CCDC57: variants seen among roughly 807,000 people sequenced by gnomAD.
The protein encoded by CCDC57 is coiled-coil domain containing 57, also known as coiled-coil domain-containing protein 57.
CCDC57 carries 118 observed loss-of-function variants against 118.9 expected under a neutral mutation model. That is an observed-to-expected ratio of 0.99 (90% confidence interval 0.86 to 1.16). CCDC57 has a LOEUF of 1.16. CCDC57 is among the 50% of genes most tolerant of loss of function. The pLI, the probability that CCDC57 is intolerant of heterozygous loss-of-function variation, is 0.00. For missense variants in CCDC57, 1,300 were observed against 1,320.7 expected (o/e 0.98, Z 0.24); for synonymous variants, 527 against 532.9 (o/e 0.99, Z 0.15).
rs2044302346 is a variant in CCDC57, at chr17:82,168,707, T to C, written c.1882+2994A>G. On this transcript the variant is annotated intron_variant, in intron 13 of 19. Coordinates refer to ENST00000665763, the Ensembl canonical transcript of CCDC57. ...CAAAAGAAAGCCCGAGTGGATTAAT[T>C]AATATCAGACAAGGTAGACTTCAGA... Among the ~76,000 whole-genome samples, 7 of 151,654 alleles carry C rather than the reference T, an allele frequency of 4.6e-5. No individual in the cohort carries two copies. The South Asian group carries it at 1.4e-3, about 31-fold the overall frequency.
chr17:82,149,955 G>A (rs1321372480), intron 16 of CCDC57, among the ~76,000 whole-genome samples: 2 of 145,548 alleles, frequency 1.4e-5, no homozygotes, highest in Non-Finnish European at 3.0e-5. Context: ...CCAGAACCAG[G>A]TGCACACTCA....
chr17:82,159,743 C>A (rs1003061498), intron 14 of CCDC57, among the ~76,000 whole-genome samples: 19 of 151,382 alleles, frequency 1.3e-4, no homozygotes, highest in African/African-American at 4.4e-4. Flanking sequence ...GCGATCTCAG[C>A]TCACTGCAAC....
chr17:82,160,204 TAAAAGCAACAGGATGAGGACAGCATG>T (rs1414228690), intron 14 of CCDC57: 1 of 152,136 alleles, frequency 6.6e-6, no homozygotes, highest in African/African-American at 2.4e-5. Flanking sequence ...TCACAAGGAA[TAAAAGCAACAGGATGAGGACAGCATG>T]ACTCAGAAGC....
rs558941844 is a variant in CCDC57, at chr17:82,101,705, G to A, written c.3061C>T (p.Arg1021Cys). The change falls in exon 20 of 20, where the codon CGT (arginine) becomes TGT (cysteine). Residue 1021 changes from arginine to cysteine, a missense_variant. Transcript: ENST00000665763. ...AGTCAGTCCATAATGTTGTAGTTAC[G>A]GATCTTGGGGGGCCTCTGGCAGCCT... is the stretch of plus-strand genomic sequence containing the variant. The A allele has an allele frequency of 5.3e-5, 85 of 1,607,792 alleles. No individual in the cohort carries two copies. The East Asian group carries it at 1.5e-3, about 28-fold the overall frequency.
intron 19 of CCDC57, chr17:82,107,401 C>T (rs2034931452): frequency 2.1e-6 from 1 of 467,682 alleles, no homozygotes; most frequent in Non-Finnish European, 4.4e-6. Flanking sequence ...CTGCCTCGAA[C>T]CCTGCTGTGT....
Position 82,157,953 on chromosome 17 carries a change from G to A in CCDC57, c.2041-5C>T, listed in dbSNP as rs1386303067. ...CTCCAGGGGTTCCCGCAGCACCTAG[G>A]GGTCATTTCAAAGGCAGTGTGAGGA... On this transcript the variant is annotated splice_region_variant and splice_polypyrimidine_tract_variant and intron_variant, in intron 14 of 19. Coordinates refer to ENST00000665763, the Ensembl canonical transcript of CCDC57. 4 of 1,551,390 alleles carry A rather than the reference G, an allele frequency of 2.6e-6. No homozygotes were observed. Among genetic ancestry groups the A allele is most frequent in the African/African-American group, 1.4e-5 (1 of 73,114 alleles).
At position 82,101,822 on chromosome 17, in the gene CCDC57, G is replaced by A. The variant is rs1022929800; in HGVS notation, c.2944C>T (p.Gln982Ter). The A allele has an allele frequency of 1.3e-6, 2 of 1,593,334 alleles. No homozygotes were observed. The highest frequency in any genetic ancestry group is 1.4e-5 in the African/African-American group (1 of 73,638). ...ATCCCTGGGGTGGCAATGCCTGCCT[G>A]CATCTTGACGGGCCTCCTGTCGGCT... The change falls in exon 20 of 20, where the codon CAG becomes TAG. Residue 982 changes from glutamine (Q) to a stop codon, truncating the protein, a stop_gained. Transcript: ENST00000665763. LOFTEE classifies it low-confidence loss of function (END_TRUNC).
chr17:82,202,916 C>T (rs548865217), intron 2 of CCDC57, among the ~76,000 whole-genome samples: 3 of 152,334 alleles, frequency 2.0e-5, no homozygotes, highest in East Asian at 3.9e-4. Flanking sequence ...TAAGTGGCTA[C>T]GTGAGGACTG....
intron 2 of CCDC57, among the ~76,000 whole-genome samples, chr17:82,207,385 C>T (rs1209369335): frequency 6.6e-6 from 1 of 151,882 alleles, no homozygotes; most frequent in African/African-American, 2.4e-5. Context: ...AGTCATGCAG[C>T]TACAGGCTAC....
chr17:82,113,786 A>T (rs1196979059), intron 19 of CCDC57: 2 of 641,300 alleles, frequency 3.1e-6, no homozygotes, highest in Admixed American at 4.7e-5. Flanking sequence ...ATAAAATAAC[A>T]TGTAAAAAGA....
intron 16 of CCDC57, among the ~76,000 whole-genome samples, chr17:82,149,264 G>A (rs1278764220): frequency 6.7e-5 from 10 of 149,560 alleles, no homozygotes; most frequent in Non-Finnish European, 3.0e-5. Context: ...TGGATGGGGG[G>A]GGTGGGTGAA....
At chr17:82,163,467 A>G in intron 13 of CCDC57, 110 bp from the exon 13 acceptor site, 1 of 1,336,060 alleles carries the variant, frequency 7.5e-7, no homozygotes, top group Non-Finnish European at 1.0e-6. Context: ...CCATGGCACC[A>G]GCGGCTGACC....
intron 15 of CCDC57, among the ~76,000 whole-genome samples, chr17:82,152,963 T>C (rs1159457537): frequency 6.6e-6 from 1 of 152,220 alleles, no homozygotes; most frequent in Admixed American, 6.5e-5. Context: ...GAGAAAGTTC[T>C]ATGGTGCCGC....
At chr17:82,207,007 A>G (rs1012052317) in intron 2 of CCDC57, among the ~76,000 whole-genome samples, 2 of 152,212 alleles carry the variant, frequency 1.3e-5, no homozygotes, top group African/African-American at 4.8e-5. Flanking sequence ...CCTGGGGACT[A>G]GACTGCCTTT....
intron 19 of CCDC57, among the ~76,000 whole-genome samples, chr17:82,115,923 G>A (rs1354791596): frequency 6.7e-6 from 1 of 149,442 alleles, no homozygotes; most frequent in East Asian, 2.0e-4. Context: ...TCAGCCTCTG[G>A]AGTAGCTGGG....
chr17:82,120,788 C>CGTA (rs2036572391), intron 19 of CCDC57, among the ~76,000 whole-genome samples: 1 of 152,020 alleles, frequency 6.6e-6, no homozygotes, highest in East Asian at 1.9e-4. Flanking sequence ...TGGAGTCTCA[C>CGTA]TCTGTCGCCC....
chr17:82,197,673 T>A (rs1289840514), intron 4 of CCDC57, among the ~76,000 whole-genome samples: 2 of 152,254 alleles, frequency 1.3e-5, no homozygotes, highest in East Asian at 3.9e-4. Flanking sequence ...TGGTAAAAAA[T>A]TATTTCTGGG....
In CCDC57 at chr17:82,212,362, C is replaced by G. The variant is rs1599535201; in HGVS notation, c.-211+423G>C. ...GCCTCCCAAAGTGCTGGATTACAGG[C>G]GCGAACCACCGCCTCCGGCCTTTTT... On this transcript the variant is annotated intron_variant, in intron 1 of 19. Coordinates refer to ENST00000665763, the Ensembl canonical transcript of CCDC57. The surrounding 1 kb of genome is among the most constrained non-coding windows in gnomAD (Gnocchi z 4.1). 1.3e-5 allele frequency among the ~76,000 whole-genome samples: 2 copies of G among 150,858 alleles called. No individual in the cohort carries two copies. Among genetic ancestry groups the G allele is most frequent in the African/African-American group, 4.9e-5 (2 of 40,958 alleles).
intron 19 of CCDC57, among the ~76,000 whole-genome samples, chr17:82,110,764 C>G (rs147737093): frequency 7.7e-4 from 117 of 152,208 alleles, no homozygotes; most frequent in African/African-American, 2.7e-3. Context: ...GTGGCTCGCG[C>G]CTGTAATCCC....
Sources: allele counts gnomAD v4.1 joint callset (sites outside exome capture counted in the v4.1 genomes callset), GRCh38; gene constraint gnomAD v4.1.1; non-coding constraint Gnocchi (gnomAD v3.1); transcripts MANE v1.5; gene names NCBI Gene and HGNC (gene_info 2026-07-23, HGNC 2026-07-21).